RP1: variants seen among roughly 807,000 people sequenced by gnomAD.
RP1 encodes RP1 axonemal microtubule associated, also known as oxygen-regulated protein 1.
RP1 carries 16 observed loss-of-function variants against 14.8 expected under a neutral mutation model. The observed-to-expected ratio is 1.08, with a 90% confidence interval of 0.73 to 1.65. The LOEUF is 1.65. RP1 is among the 40% of genes most tolerant of loss of function. The pLI, the probability that RP1 is intolerant of heterozygous loss-of-function variation, is 0.00. For synonymous variants in RP1, 876 were observed against 883.6 expected (o/e 0.99, Z 0.15); for missense variants, 2,631 against 2,535.0 (o/e 1.04, Z -0.81).
At chr8:54,673,181 A>AT (rs917420935) in intron 7 of RP1, among the ~76,000 whole-genome samples, 3 of 151,474 alleles carry the variant, frequency 2.0e-5, no homozygotes, top group Admixed American at 6.6e-5. Flanking sequence ...TGTAGAAAGG[A>AT]TTTTTTTTTC....
intron 24 of RP1, among the ~76,000 whole-genome samples, chr8:54,815,005 T>C (rs1353272238): frequency 6.6e-6 from 1 of 152,216 alleles, no homozygotes; most frequent in African/African-American, 2.4e-5. Context: ...CGAGACTCCG[T>C]CTCAAAAAAC....
chr8:54,787,494 A>G (rs1271173917), intron 24 of RP1, among the ~76,000 whole-genome samples: 1 of 151,934 alleles, frequency 6.6e-6, no homozygotes, highest in Non-Finnish European at 1.5e-5. Flanking sequence ...GATCCTTCTC[A>G]CTCTGAGGGA....
Position 54,804,705 on chromosome 8 carries a change from A to G in RP1, c.3615+20995A>G, listed in dbSNP as rs1585706886. On this transcript the variant is annotated intron_variant, in intron 24 of 28. Transcript: ENST00000637698. ...AAAAGCTACATTTGATGTAACACCAATACATTAAATAACACAGCACTCATG... is the reference window on the plus strand; with the variant it reads ...AAAAGCTACATTTGATGTAACACCAGTACATTAAATAACACAGCACTCATG... Among the ~76,000 whole-genome samples the G allele has an allele frequency of 3.9e-5, 6 of 152,362 alleles. No individual in the cohort carries two copies. The South Asian group carries it at 6.2e-4, about 16-fold the overall frequency.
chr8:54,731,226 A>G (rs1433634470), intron 17 of RP1, among the ~76,000 whole-genome samples: 1 of 152,166 alleles, frequency 6.6e-6, no homozygotes, highest in Non-Finnish European at 1.5e-5. Flanking sequence ...CACAAAGTAG[A>G]TTAACATTTT....
At chr8:54,574,091 AG>A (rs911839464) in intron 1 of RP1, among the ~76,000 whole-genome samples, 34 of 152,174 alleles carry the variant, frequency 2.2e-4, no homozygotes, top group African/African-American at 8.0e-4. Flanking sequence ...AATCTAAGCC[AG>A]GCCTATACCA....
chr8:54,774,809 C>T (rs530089507), downstream of RP1, among the ~76,000 whole-genome samples: 23 of 152,258 alleles, frequency 1.5e-4, no homozygotes, highest in South Asian at 2.9e-3. Flanking sequence ...GCAGAAACAT[C>T]ACCATCAAAA....
intron 15 of RP1, among the ~76,000 whole-genome samples, chr8:54,709,874 G>A (rs754942597): frequency 9.9e-5 from 15 of 152,164 alleles, no homozygotes; most frequent in Non-Finnish European, 1.5e-4. Context: ...ATATGCTGGG[G>A]TGTTACTCAA....
intron 1 of RP1, among the ~76,000 whole-genome samples, chr8:54,588,906 G>A (rs1195671371): frequency 6.6e-6 from 1 of 152,216 alleles, no homozygotes; most frequent in African/African-American, 2.4e-5. Flanking sequence ...AGCTGTTCCA[G>A]GAGAGTGGGT....
chr8:54,642,006 A>C (rs1806462535), intron 3 of RP1, among the ~76,000 whole-genome samples: 1 of 152,202 alleles, frequency 6.6e-6, no homozygotes, highest in Admixed American at 6.5e-5. Context: ...CTAGAGATGC[A>C]CAATTAGTTG....
intron 12 of RP1, among the ~76,000 whole-genome samples, chr8:54,681,866 C>T (rs1040155573): frequency 6.6e-6 from 1 of 152,168 alleles, no homozygotes. Flanking sequence ...CTGCAAAAGA[C>T]ATGATCTCAT....
At position 54,626,220 on chromosome 8, in the gene RP1, A is replaced by G. The variant is rs1013386218; in HGVS notation, c.2338A>G (p.Arg780Gly). The change falls in exon 4 of 4, where the codon AGA becomes GGA. Residue 780 changes from arginine (R) to glycine (G), a missense_variant. Transcript: ENST00000220676. Reference protein sequence around the residue: ...VQGLLTKRKSRSLNKISLGAP... With the variant: ...VQGLLTKRKSGSLNKISLGAP... ...AGGACTTTTAACCAAAAGAAAATCT[A>G]GATCACTAAATAAAATAAGCTTAGG... is the stretch of plus-strand genomic sequence containing the variant. 5.6e-6 allele frequency: 9 copies of G among 1,610,636 alleles called. No homozygotes were observed. Among genetic ancestry groups the G allele is most frequent in the African/African-American group, 4.0e-5 (3 of 74,626 alleles).
chr8:54,678,810 A>G (rs1201559371), intron 9 of RP1, among the ~76,000 whole-genome samples: 3 of 152,192 alleles, frequency 2.0e-5, no homozygotes, highest in South Asian at 4.1e-4. Context: ...AAGAAAAATG[A>G]AAGTCTCTGA....
rs1371195142 is a variant in RP1, at chr8:54,629,457, C to G, written c.5575C>G (p.Gln1859Glu). The G allele has an allele frequency of 6.2e-7, 1 of 1,614,106 alleles. No homozygotes were observed. Among genetic ancestry groups the G allele is most frequent in the Non-Finnish European group, 8.5e-7 (1 of 1,179,966 alleles). ...TCATACAGAGGAGAAGGGTAGTCAT[C>G]AGTCAGAAAGAGTATGCACATCTGT... The part of the protein sequence containing the change: ...NHHTEEKGSH[Q>E]SERVCTSVTH... The change falls in exon 4 of 4, where the codon CAG (glutamine) becomes GAG (glutamate). Residue 1859 changes from glutamine (Q) to glutamate (E), a missense_variant. Transcript: ENST00000220676.
At position 54,621,358 on chromosome 8, in the gene RP1, G is replaced by T. The variant is rs752150870; in HGVS notation, c.392G>T (p.Arg131Leu). Reference protein sequence around the residue: ...RRRPRPWLSSRAISAHSPPHP... With the variant: ...RRRPRPWLSSLAISAHSPPHP... ...CGCCCGCGGCCCTGGCTCAGCAGCC[G>T]GGCCATTAGCGCGCACTCACCGCCC... The change falls in exon 2 of 4, where the codon CGG (arginine) becomes CTG (leucine). Residue 131 changes from arginine (R) to leucine (L), a missense_variant. Coordinates refer to ENST00000220676, the MANE Select transcript of RP1 (RefSeq NM_006269.2). The T allele has an allele frequency of 7.4e-6, 12 of 1,611,612 alleles. No individual in the cohort carries two copies. Among genetic ancestry groups the T allele is most frequent in the Non-Finnish European group, 1.0e-5 (12 of 1,179,024 alleles).
chr8:54,628,448 T>G lies in RP1; in HGVS notation c.4566T>G (p.Gly1522=), dbSNP rs556240003. Residue 1522 remains glycine, a synonymous_variant, in exon 4 of 4, where the codon GGT becomes GGG. Coordinates refer to ENST00000220676, the MANE Select transcript of RP1 (RefSeq NM_006269.2). ...TTATGGAAGAAAAAAGAATGAACGGTATAATTTATGAAATAATCAGTAAGA... is the reference window on the plus strand; with the variant it reads ...TTATGGAAGAAAAAAGAATGAACGGGATAATTTATGAAATAATCAGTAAGA... The part of the protein sequence containing the change: ...KNIMEEKRMN[G]IIYEIISKRL... 1.2e-6 allele frequency: 2 copies of G among 1,613,254 alleles called. No homozygotes were observed. Among genetic ancestry groups the G allele is most frequent in the African/African-American group, 2.7e-5 (2 of 74,830 alleles).
intron 26 of RP1, among the ~76,000 whole-genome samples, chr8:54,856,130 A>G (rs1270881647): frequency 6.6e-6 from 1 of 152,234 alleles, no homozygotes; most frequent in Non-Finnish European, 1.5e-5. Flanking sequence ...ATGAAAATGA[A>G]CAAGACGCTG....
chr8:54,830,111 T>C (rs552773965), intron 24 of RP1, among the ~76,000 whole-genome samples: 1 of 152,302 alleles, frequency 6.6e-6, no homozygotes, highest in East Asian at 1.9e-4. Context: ...TATCTATCAA[T>C]TATTGAGAGA....
chr8:54,803,965 G>A (rs1018856604), intron 24 of RP1, among the ~76,000 whole-genome samples: 16 of 152,044 alleles, frequency 1.1e-4, no homozygotes, highest in Admixed American at 9.2e-4. Flanking sequence ...CTACTCAGGA[G>A]GCTGAGGCAG....
At chr8:54,649,213 G>C (rs1806608977) in intron 4 of RP1, 1 of 1,235,986 alleles carries the variant, frequency 8.1e-7, no homozygotes. Context: ...ACTTTGGAAT[G>C]AACATAGTCT....
Sources: allele counts gnomAD v4.1 joint callset (sites outside exome capture counted in the v4.1 genomes callset), GRCh38; gene constraint gnomAD v4.1.1; transcripts MANE v1.5; gene names NCBI Gene and HGNC (gene_info 2026-07-23, HGNC 2026-07-21).